Variants in IL6ST observed in about 807,000 individuals in gnomAD.
The protein encoded by IL6ST is interleukin 6 cytokine family signal transducer, also known as interleukin-6 receptor subunit beta.
IL6ST carries 24 observed loss-of-function variants against 91.3 expected under a neutral mutation model. The ratio of observed to expected loss-of-function variants is 0.26; its 90% CI spans 0.19 to 0.37. The LOEUF is 0.37. Ranked by LOEUF, IL6ST falls within the 10% of genes least tolerant of loss-of-function variation. IL6ST has a pLI of 1.00. For missense variants in IL6ST, 914 were observed against 1,078.5 expected (o/e 0.85, Z 2.14); for synonymous variants, 351 against 373.6 (o/e 0.94, Z 0.70).
At chr5:55,956,487 T>C (rs1751982416) in intron 9 of IL6ST, among the ~76,000 whole-genome samples, 1 of 152,236 alleles carries the variant, frequency 6.6e-6, no homozygotes, top group African/African-American at 2.4e-5. Flanking sequence ...GTATCAATTC[T>C]GCACTGTGGC....
chr5:55,977,168 T>C (rs1047963447), intron 2 of IL6ST, among the ~76,000 whole-genome samples: 1 of 151,760 alleles, frequency 6.6e-6, no homozygotes, highest in African/African-American at 2.4e-5. Context: ...TGGTGATACA[T>C]GCAGTAGTAT....
chr5:55,949,213 A>T (rs1751459897), intron 14 of IL6ST, among the ~76,000 whole-genome samples: 1 of 152,192 alleles, frequency 6.6e-6, no homozygotes, highest in Non-Finnish European at 1.5e-5. Context: ...ATGGTGGCTC[A>T]TACCTGTAAT....
rs1750908659 is a variant in IL6ST at position 55,941,454 on chromosome 5, ATCT to A, written c.2382_2384del (p.Glu794del). ...CATCTACATGATCTACTAATTGTAG[ATCT>A]TCTGGCCGCTCCTCTGAATCTAACA... On this transcript the variant is annotated inframe_deletion, in exon 17 of 17. Coordinates refer to ENST00000381298, the MANE Select transcript of IL6ST (RefSeq NM_002184.4). 2 of 1,614,054 alleles carry A rather than the reference ATCT, an allele frequency of 1.2e-6. No homozygotes were observed. Among genetic ancestry groups the A allele is most frequent in the East Asian group, 2.2e-5 (1 of 44,898 alleles).
rs540962458 is a variant in IL6ST, at chr5:55,939,082, C to G, written c.*2000G>C. The G allele has an allele frequency of 1.5e-4, 31 of 206,394 alleles. No homozygotes were observed. Among genetic ancestry groups the G allele is most frequent in the Admixed American group, 4.8e-4 (8 of 16,840 alleles). 12.8% of individuals were successfully genotyped at this position (206,394 alleles called of 1,614,324 possible). A position where few individuals can be genotyped will look rare whatever the true frequency, so the allele number is the denominator to read the frequency against. On this transcript the variant is annotated 3_prime_UTR_variant, in exon 17 of 17. Transcript: ENST00000381298. The stretch of plus-strand genomic sequence containing the variant: ...CTATTTGTTATGAGGAAAGTTGCAG[C>G]TAAATATTAGTCATGTGACTTAAAT...
Position 55,956,063 on chromosome 5 carries a change from T to C in IL6ST, c.1229A>G (p.Asp410Gly). 1 of 1,613,718 alleles carries C rather than the reference T, an allele frequency of 6.2e-7. No homozygotes were observed. Among genetic ancestry groups the C allele is most frequent in the Non-Finnish European group, 8.5e-7 (1 of 1,179,664 alleles). Residue 410 changes from aspartate to glycine, a missense_variant, in exon 10 of 17, where the codon GAT becomes GGT. By Grantham distance (94) the Asp-to-Gly change is moderately conservative (BLOSUM62 -1). Transcript: ENST00000381298. Reference protein sequence around the residue: ...LTVRNLVGKSDAAVLTIPACD... With the variant: ...LTVRNLVGKSGAAVLTIPACD... Reference sequence around the variant, plus strand: ...GGCAGGGATAGTTAAAACAGCTGCATCTGATTTGCCAACAAGATTTCTTAC... The same window carrying C: ...GGCAGGGATAGTTAAAACAGCTGCACCTGATTTGCCAACAAGATTTCTTAC...
chr5:55,975,732 C>T (rs893584513), intron 3 of IL6ST, among the ~76,000 whole-genome samples: 1 of 152,008 alleles, frequency 6.6e-6, no homozygotes, highest in Admixed American at 6.6e-5. Context: ...TCAGCATGCA[C>T]AGGGTTAAAA....
At chr5:55,970,643 C>T (rs902685198) in intron 3 of IL6ST, among the ~76,000 whole-genome samples, 6 of 152,156 alleles carry the variant, frequency 3.9e-5, no homozygotes, top group Non-Finnish European at 1.5e-5. Flanking sequence ...AGCCACTGCA[C>T]TCCACCCTGG....
intron 1 of IL6ST, among the ~76,000 whole-genome samples, chr5:55,983,071 C>T (rs1753754782): frequency 1.3e-5 from 2 of 151,276 alleles, no homozygotes; most frequent in South Asian, 4.2e-4. Context: ...ACAATTACAG[C>T]TCACTGCAGC....
intron 4 of IL6ST, 58 bp from the exon 5 acceptor site, chr5:55,968,454 T>G: frequency 6.7e-7 from 1 of 1,499,336 alleles, no homozygotes; most frequent in Non-Finnish European, 9.2e-7. Context: ...TATTATGCAA[T>G]TTATATACTA....
intron 8 of IL6ST, chr5:55,959,530 G>T: frequency 2.1e-6 from 1 of 467,312 alleles, no homozygotes; most frequent in Non-Finnish European, 3.5e-6. Flanking sequence ...GCTTTGCAGT[G>T]AGGATCTTAC....
At chr5:55,970,077 A>G (rs1434992876) in intron 3 of IL6ST, among the ~76,000 whole-genome samples, 1 of 152,250 alleles carries the variant, frequency 6.6e-6, no homozygotes, top group Non-Finnish European at 1.5e-5. Context: ...CTGAATTAAG[A>G]AAAACCCATT....
chr5:55,983,424 A>G (rs939297288), intron 1 of IL6ST, among the ~76,000 whole-genome samples: 1 of 152,176 alleles, frequency 6.6e-6, no homozygotes, highest in Non-Finnish European at 1.5e-5. Flanking sequence ...ACAATCACAT[A>G]TTTCTTCTTC....
chr5:55,969,963 T>A, intron 3 of IL6ST, 108 bp from the exon 4 acceptor site: 1 of 646,158 alleles, frequency 1.5e-6, no homozygotes, highest in Non-Finnish European at 2.7e-6. Context: ...CACTAAAATA[T>A]CCCTAAAGAC....
rs1473336714 is a variant in IL6ST, at chr5:55,936,480, G to A, written c.*4602C>T. ...ATTCTATGTTATTAAGACCAAGATA[G>A]TGTACTGGTTTTCTTTTAAATCACA... On this transcript the variant is annotated 3_prime_UTR_variant, in exon 17 of 17. Coordinates refer to ENST00000381298, the MANE Select transcript of IL6ST (RefSeq NM_002184.4). 2 of 212,832 alleles carry A rather than the reference G, an allele frequency of 9.4e-6. No individual in the cohort carries two copies. Among genetic ancestry groups the A allele is most frequent in the East Asian group, 7.0e-5 (1 of 14,322 alleles). 13.2% of individuals were successfully genotyped at this position (212,832 alleles called of 1,614,324 possible).
chr5:55,970,861 C>T (rs539169971), intron 3 of IL6ST, among the ~76,000 whole-genome samples: 1 of 152,188 alleles, frequency 6.6e-6, no homozygotes, highest in South Asian at 2.1e-4. Context: ...GAGATCACGC[C>T]ACTGCACTCC....
At chr5:55,954,724 C>A in intron 11 of IL6ST, 86 bp downstream of exon 11, 1 of 1,001,624 alleles carries the variant, frequency 1.0e-6, no homozygotes, top group South Asian at 1.8e-5. Context: ...GTCGTTTCAA[C>A]GGACCAAAAC....
intron 11 of IL6ST, among the ~76,000 whole-genome samples, chr5:55,952,618 C>G (rs1259716868): frequency 5.3e-5 from 8 of 152,244 alleles, no homozygotes; most frequent in Admixed American, 4.6e-4. Context: ...ACAATGATCT[C>G]AAATTACTCT....
Position 55,936,354 on chromosome 5 carries a change from T to TG in IL6ST, c.*4727_*4728insC, listed in dbSNP as rs1271490990. 4.7e-6 allele frequency: 1 copy of TG among 212,610 alleles called. No homozygotes were observed. The highest frequency in any genetic ancestry group is 2.3e-5 in the African/African-American group (1 of 42,748). 13.2% of individuals were successfully genotyped at this position (212,610 alleles called of 1,614,324 possible). ...ACAACCAAGTAGGTTTTTTTTTTTT[T>TG]TTTTTTTTTTAATGTCCACTAGGAG... On this transcript the variant is annotated 3_prime_UTR_variant, in exon 17 of 17. Transcript: ENST00000381298.
chr5:55,990,448 T>G (rs1008977456), intron 1 of IL6ST, among the ~76,000 whole-genome samples: 1 of 152,236 alleles, frequency 6.6e-6, no homozygotes. Flanking sequence ...ATCCTCTTTC[T>G]TGTCTCCTTT....
Sources: allele counts gnomAD v4.1 joint callset (sites outside exome capture counted in the v4.1 genomes callset), GRCh38; gene constraint gnomAD v4.1.1; transcripts MANE v1.5; gene names NCBI Gene and HGNC (gene_info 2026-07-23, HGNC 2026-07-21).